Variants in DPH6 observed in about 807,000 individuals in gnomAD.
The protein encoded by DPH6 is diphthamine biosynthesis 6.
Under a neutral mutation model 38.2 loss-of-function variants are expected in DPH6, and 33 were observed. The ratio of observed to expected loss-of-function variants is 0.86; its 90% CI spans 0.65 to 1.15. The LOEUF (loss-of-function observed/expected upper bound fraction) is 1.15, where lower values mean the gene tolerates loss of function less well. Ranked by LOEUF, DPH6 falls within the 50% of genes most tolerant of loss-of-function variation. The pLI is 0.00. For missense variants in DPH6, 325 were observed against 320.0 expected, an observed-to-expected ratio of 1.02 and a Z score of -0.12; for synonymous variants, 108 against 103.0, an observed-to-expected ratio of 1.05 and a Z score of -0.30.
At chr15:35,284,367 AG>A (rs2051924520) in intron 3 of DPH6, among the ~76,000 whole-genome samples, 1 of 152,140 alleles carries the variant, frequency 6.6e-6, no homozygotes, top group Admixed American at 6.6e-5. Flanking sequence ...TTTCCCCCTA[AG>A]GTAAAATGTG....
chr15:35,370,251 G>C (rs1172358669), downstream of DPH6, among the ~76,000 whole-genome samples: 1 of 151,562 alleles, frequency 6.6e-6, no homozygotes, highest in African/African-American at 2.4e-5. Context: ...GCTTCGACAA[G>C]ATAATCCAGA....
the DPH6 span, among the ~76,000 whole-genome samples, chr15:35,173,029 A>G: frequency 2.0e-5 from 3 of 152,218 alleles, no homozygotes. Context: ...TGAATGTATG[A>G]AAACTATTGC....
At chr15:35,396,025 G>A (rs893046055) in intron 6 of DPH6, among the ~76,000 whole-genome samples, 4 of 151,964 alleles carry the variant, frequency 2.6e-5, no homozygotes, top group Non-Finnish European at 4.4e-5. Flanking sequence ...ACTAACTGCC[G>A]AGGACCCACA....
intron 3 of DPH6, among the ~76,000 whole-genome samples, chr15:35,336,336 T>C (rs766532204): frequency 6.4e-4 from 91 of 142,580 alleles, no homozygotes; most frequent in African/African-American, 2.2e-3. Context: ...TCTTGTCACA[T>C]AGTCCCATAT....
intron 3 of DPH6, among the ~76,000 whole-genome samples, chr15:35,345,007 G>A (rs1353292835): frequency 6.6e-6 from 1 of 151,750 alleles, no homozygotes; most frequent in African/African-American, 2.4e-5. Flanking sequence ...TGGCATATAT[G>A]TTAAAATACA....
At chr15:35,276,572 AGATTTAAGTCCTT>A (rs1462617723) in intron 3 of DPH6, among the ~76,000 whole-genome samples, 1 of 152,224 alleles carries the variant, frequency 6.6e-6, no homozygotes, top group Non-Finnish European at 1.5e-5. Context: ...TTCAAGTCTT[AGATTTAAGTCCTT>A]GATCCATATT....
downstream of DPH6, among the ~76,000 whole-genome samples, chr15:35,327,923 G>C (rs2052298047): frequency 6.6e-6 from 1 of 152,026 alleles, no homozygotes; most frequent in Admixed American, 6.6e-5. Context: ...TGACTCTTTA[G>C]TTATTTGCTT....
At chr15:35,311,102 C>A (rs868394894) in intron 3 of DPH6, among the ~76,000 whole-genome samples, 14 of 150,340 alleles carry the variant, frequency 9.3e-5, no homozygotes, top group African/African-American at 1.2e-4. Flanking sequence ...CCCAAAAAAA[C>A]CAGATCATAA....
intron 3 of DPH6, among the ~76,000 whole-genome samples, chr15:35,494,688 C>T (rs1454026701): frequency 6.6e-6 from 1 of 151,932 alleles, no homozygotes; most frequent in Non-Finnish European, 1.5e-5. Context: ...TTATTTTCCA[C>T]TATTTACTAT....
At chr15:35,536,945 C>T (rs935514808) in intron 3 of DPH6, among the ~76,000 whole-genome samples, 10 of 151,968 alleles carry the variant, frequency 6.6e-5, no homozygotes, top group Non-Finnish European at 1.5e-4. Context: ...AAAGCAGGTC[C>T]TTGTGATTTC....
chr15:35,415,264 G>GTA (rs111236135), intron 5 of DPH6, among the ~76,000 whole-genome samples: 4,065 of 151,988 alleles, frequency 0.027, 93 homozygotes, highest in African/African-American at 0.06. Flanking sequence ...GTGTGTGTGT[G>GTA]TAACAACACA....
intron 6 of DPH6, among the ~76,000 whole-genome samples, chr15:35,403,305 T>C (rs1331155273): frequency 1.3e-5 from 2 of 152,138 alleles, no homozygotes; most frequent in Non-Finnish European, 2.9e-5. Context: ...TTTTAAATTT[T>C]GCATTAAAAA....
intron 3 of DPH6, among the ~76,000 whole-genome samples, chr15:35,358,243 CTTTAA>C: frequency 6.6e-6 from 1 of 151,332 alleles, no homozygotes; most frequent in Non-Finnish European, 1.5e-5. Flanking sequence ...ATTTTTTTTT[CTTTAA>C]GTTATCTATT....
downstream of DPH6, among the ~76,000 whole-genome samples, chr15:35,213,979 G>A (rs1454087292): frequency 6.6e-6 from 1 of 152,172 alleles, no homozygotes; most frequent in South Asian, 2.1e-4. Flanking sequence ...AGACGTGGTG[G>A]CGGGCGCCTG....
intron 3 of DPH6, among the ~76,000 whole-genome samples, chr15:35,341,149 C>T (rs749394152): frequency 6.6e-6 from 1 of 152,024 alleles, no homozygotes; most frequent in Non-Finnish European, 1.5e-5. Flanking sequence ...AGATTCTTTC[C>T]TCCGCTCAGT....
intron 2 of DPH6, among the ~76,000 whole-genome samples, chr15:35,541,434 CAAG>C (rs2055251794): frequency 6.6e-6 from 1 of 152,104 alleles, no homozygotes; most frequent in Admixed American, 6.5e-5. Flanking sequence ...TCTCTCTTCT[CAAG>C]AAGCTTATAA....
chr15:35,440,068 CACT>C (rs1447376228), intron 5 of DPH6, among the ~76,000 whole-genome samples: 1 of 152,192 alleles, frequency 6.6e-6, no homozygotes, highest in Non-Finnish European at 1.5e-5. Context: ...TTTAGGCTTA[CACT>C]GCTTATTCCT....
At chr15:35,402,556 T>G (rs1380399696) in intron 6 of DPH6, among the ~76,000 whole-genome samples, 1 of 152,162 alleles carries the variant, frequency 6.6e-6, no homozygotes, top group African/African-American at 2.4e-5. Context: ...AATAGTGCAA[T>G]TTGTATTAAA....
At chr15:35,336,133 G>A (rs536547623) in intron 3 of DPH6, among the ~76,000 whole-genome samples, 1 of 151,982 alleles carries the variant, frequency 6.6e-6, no homozygotes, top group Non-Finnish European at 1.5e-5. Flanking sequence ...TATTCTTTTT[G>A]TAGCAATTGT....
Sources: gnomAD v4.1 joint callset for allele counts (sites outside exome capture counted in the v4.1 genomes callset) on GRCh38, gnomAD v4.1.1 for gene constraint, MANE v1.5 for transcripts, NCBI Gene and HGNC (gene_info 2026-07-23, HGNC 2026-07-21) for gene names.